Variants in RARS2 observed in about 807,000 individuals in gnomAD.
The protein encoded by RARS2 is probable arginine--tRNA ligase, mitochondrial.
RARS2 carries 67 observed loss-of-function variants against 88.5 expected under a neutral mutation model. The ratio of observed to expected loss-of-function variants is 0.76; its 90% CI spans 0.62 to 0.93. The LOEUF is 0.93. Among genes scored for constraint, RARS2 ranks in the 40% least tolerant of loss-of-function variants. RARS2 has a pLI of 0.00. For synonymous variants in RARS2, 239 were observed against 230.3 expected (o/e 1.04, Z -0.34); for missense variants, 664 against 684.2 (o/e 0.97, Z 0.33).
At chr6:87,551,978 G>T (rs1408206948) in intron 5 of RARS2, among the ~76,000 whole-genome samples, 1 of 152,136 alleles carries the variant, frequency 6.6e-6, no homozygotes, top group East Asian at 1.9e-4. Flanking sequence ...CATCTACCAC[G>T]AGGAGTCCAA....
At chr6:87,564,569 T>C in intron 2 of RARS2, 1 of 375,748 alleles carries the variant, frequency 2.7e-6, no homozygotes, top group South Asian at 2.2e-5. Context: ...CTTGGGAGAC[T>C]GAGGCAGGGG....
chr6:87,546,756 T>C (rs1242932068), intron 6 of RARS2, among the ~76,000 whole-genome samples: 2 of 152,224 alleles, frequency 1.3e-5, no homozygotes, highest in African/African-American at 4.8e-5. Flanking sequence ...AGAATGGATT[T>C]AGTTTTTTGC....
In RARS2 at chr6:87,514,364, AT is replaced by A. The variant is rs765447003; in HGVS notation, c.*48del. 13 of 1,333,490 alleles carry A rather than the reference AT, an allele frequency of 9.7e-6. No individual in the cohort carries two copies. The Admixed American group carries it at 2.2e-4, about 22-fold the overall frequency. The allele number at this position is 1,333,490 out of a possible 1,614,324, so 82.6% of individuals were successfully genotyped here. A position where few individuals can be genotyped will look rare whatever the true frequency, so the allele number is the denominator to read the frequency against. On this transcript the variant is annotated 3_prime_UTR_variant, in exon 20 of 20. Coordinates refer to ENST00000369536, the MANE Select transcript of RARS2 (RefSeq NM_020320.5). ...ATTCTGAACAGCAAGGCATCTCAGA[AT>A]AGATAACTAGAATTCACTTGACATT...
intron 5 of RARS2, among the ~76,000 whole-genome samples, chr6:87,552,100 A>G (rs1017359315): frequency 2.0e-5 from 3 of 152,176 alleles, no homozygotes; most frequent in Non-Finnish European, 4.4e-5. Context: ...TTAAGTATAC[A>G]GGTTTCAGAA....
At chr6:87,570,390 G>C (rs1163560914) in intron 1 of RARS2, among the ~76,000 whole-genome samples, 2 of 152,098 alleles carry the variant, frequency 1.3e-5, no homozygotes, top group Non-Finnish European at 2.9e-5. Flanking sequence ...GACACTCAAA[G>C]TTAGGTGGAA....
intron 8 of RARS2, among the ~76,000 whole-genome samples, chr6:87,533,289 CGTGAATATTCTT>C (rs1778109514): frequency 6.6e-6 from 1 of 151,682 alleles, no homozygotes; most frequent in African/African-American, 2.4e-5. Flanking sequence ...GCCCTTAAAA[CGTGAATATTCTT>C]AGTATTTCCG....
chr6:87,555,293 C>CT, intron 5 of RARS2, 115 bp downstream of exon 5: 2 of 749,528 alleles, frequency 2.7e-6, no homozygotes, highest in Non-Finnish European at 4.6e-6. Context: ...CATAATTGCA[C>CT]TGGTTTTCAA....
At chr6:87,530,444 T>C (rs984212466) in intron 9 of RARS2, among the ~76,000 whole-genome samples, 3 of 152,222 alleles carry the variant, frequency 2.0e-5, no homozygotes, top group African/African-American at 7.2e-5. Flanking sequence ...TTCGCTGTTG[T>C]GTATTATCCC....
intron 5 of RARS2, among the ~76,000 whole-genome samples, chr6:87,553,952 A>G (rs1785060053): frequency 6.6e-6 from 1 of 152,160 alleles, no homozygotes; most frequent in South Asian, 2.1e-4. Flanking sequence ...TAAGAAGACA[A>G]GTGAGTGGCA....
At position 87,518,259 on chromosome 6, in the gene RARS2, T is replaced by TC; in HGVS notation, c.1420dup (p.Glu474GlyfsTer11). 1 of 1,614,156 alleles carries TC rather than the reference T, an allele frequency of 6.2e-7. No individual in the cohort carries two copies. Among genetic ancestry groups the TC allele is most frequent in the South Asian group, 1.1e-5 (1 of 91,082 alleles). On this transcript the variant is annotated frameshift_variant, in exon 17 of 20. Coordinates refer to ENST00000369536, the MANE Select transcript of RARS2 (RefSeq NM_020320.5). LOFTEE classifies it high-confidence loss of function. ...CAGGTACCCACATCCAAAAGTCTCT[T>TC]CCAAACTTATCAAAAGTTTAAAGTT...
chr6:87,584,672 G>T, intron 1 of RARS2: 1 of 464,736 alleles, frequency 2.2e-6, no homozygotes, highest in East Asian at 6.5e-5. Context: ...AAAAGACTGA[G>T]GATGCTGAGA....
chr6:87,582,279 A>AT lies in RARS2; in HGVS notation c.36+7642dup, dbSNP rs560461689. Among the ~76,000 whole-genome samples, 405 of 152,122 alleles carry AT rather than the reference A, an allele frequency of 2.7e-3. 1 individual carries two copies. The highest frequency in any genetic ancestry group is 8.7e-3 in the African/African-American group (361 of 41,490). On this transcript the variant is annotated intron_variant, in intron 1 of 19. Coordinates refer to ENST00000369536, the MANE Select transcript of RARS2 (RefSeq NM_020320.5). ...TCTCACCAGCATCTGTTGTTTCTTG[A>AT]TTTTTTAATGATCACCATTCTGACT... is the stretch of plus-strand genomic sequence containing the variant.
chr6:87,569,532 G>C lies in RARS2; in HGVS notation c.95C>G (p.Pro32Arg), dbSNP rs374955606. 4.4e-6 allele frequency: 7 copies of C among 1,599,908 alleles called. No individual in the cohort carries two copies. The highest frequency in any genetic ancestry group is 5.1e-6 in the Non-Finnish European group (6 of 1,167,378). ...ENLITSISAV[P>R]ISQKEEVADF... is the part of the protein sequence containing the mutation. ...TATACTTAACTCTTTTTGGGAAATT[G>C]GAACTGCAGATATTGATGTGATCAA... The change falls in exon 2 of 20, where the codon CCA becomes CGA. Residue 32 changes from proline to arginine, a missense_variant. Transcript: ENST00000369536.
At chr6:87,545,065 T>A (rs924908353) in intron 7 of RARS2, among the ~76,000 whole-genome samples, 3 of 151,850 alleles carry the variant, frequency 2.0e-5, no homozygotes, top group African/African-American at 7.3e-5. Flanking sequence ...CAATTTCTCT[T>A]TATTAAAACC....
At chr6:87,530,436 C>T (rs1312427161) in intron 9 of RARS2, among the ~76,000 whole-genome samples, 2 of 152,180 alleles carry the variant, frequency 1.3e-5, no homozygotes, top group African/African-American at 2.4e-5. Flanking sequence ...CTCTTCTATT[C>T]GCTGTTGTGT....
At chr6:87,516,561 A>G (rs996825630) in intron 18 of RARS2, among the ~76,000 whole-genome samples, 1 of 152,258 alleles carries the variant, frequency 6.6e-6, no homozygotes, top group Non-Finnish European at 1.5e-5. Context: ...TCACTCTAAC[A>G]TAACACATGC....
At chr6:87,569,418 A>C in intron 2 of RARS2, 99 bp downstream of exon 2, 1 of 891,214 alleles carries the variant, frequency 1.1e-6, no homozygotes, top group South Asian at 1.4e-5. Flanking sequence ...TTCAAGGACT[A>C]TTCCACAAAC....
intron 12 of RARS2, among the ~76,000 whole-genome samples, chr6:87,520,663 G>A (rs929315656): frequency 3.9e-5 from 6 of 152,152 alleles, no homozygotes. Context: ...ATACCACTCA[G>A]CAATAAAAGG....
chr6:87,528,466 T>C (rs1185137742), intron 10 of RARS2, among the ~76,000 whole-genome samples: 1 of 152,178 alleles, frequency 6.6e-6, no homozygotes, highest in Admixed American at 6.5e-5. Flanking sequence ...TGCCCTACCA[T>C]GGTTATTGTA....
Sources: allele counts gnomAD v4.1 joint callset (sites outside exome capture counted in the v4.1 genomes callset), GRCh38; gene constraint gnomAD v4.1.1; transcripts MANE v1.5; gene names NCBI Gene and HGNC (gene_info 2026-07-23, HGNC 2026-07-21).